The following MTCL2 variants were observed in gnomAD, a reference collection of about 807,000 sequenced individuals.
The protein encoded by MTCL2 is microtubule crosslinking factor 2.
the MTCL2 span, chr20:36,793,484 C>T: frequency 3.9e-5 from 60 of 1,551,648 alleles, no homozygotes; most frequent in African/African-American, 2.7e-4. The surrounding 1 kb of genome is among the most constrained non-coding windows in gnomAD (Gnocchi z 6.8). Context: ...ACACACATTA[C>T]GGAAGAATTC....
chr20:36,813,743 ACT>A, the MTCL2 span, among the ~76,000 whole-genome samples: 1 of 91,500 alleles, frequency 1.1e-5, no homozygotes, highest in African/African-American at 4.5e-5. Context: ...ACAGAGTAAG[ACT>A]CTGTCTCAAA....
the MTCL2 span, among the ~76,000 whole-genome samples, chr20:36,829,854 C>A: frequency 6.6e-6 from 1 of 151,978 alleles, no homozygotes; most frequent in Non-Finnish European, 1.5e-5. Context: ...AAAAAATTAG[C>A]CAGGCGTGGT....
chr20:36,860,104 C>T, the MTCL2 span, among the ~76,000 whole-genome samples: 1 of 152,208 alleles, frequency 6.6e-6, no homozygotes, highest in East Asian at 1.9e-4. Flanking sequence ...CAAATGTACA[C>T]AGTGAGAAGT....
the MTCL2 span, chr20:36,815,435 G>A: frequency 6.2e-6 from 10 of 1,611,694 alleles, no homozygotes; most frequent in South Asian, 1.1e-5. This position sits in a 1 kb window ranked among gnomAD's most constrained non-coding sequence, Gnocchi z 5.3. Context: ...CAGCCACCAG[G>A]ACATCGATGG....
At chr20:36,800,331 C>T in the MTCL2 span, among the ~76,000 whole-genome samples, 1 of 152,176 alleles carries the variant, frequency 6.6e-6, no homozygotes, top group Non-Finnish European at 1.5e-5. Flanking sequence ...CTTTTATAGA[C>T]AGGAATTTGG....
the MTCL2 span, chr20:36,805,735 C>G: frequency 1.1e-6 from 1 of 874,072 alleles, no homozygotes; most frequent in Non-Finnish European, 1.7e-6. Flanking sequence ...GATGACCAGG[C>G]AATAACTTGC....
At chr20:36,861,926 C>T in the MTCL2 span, among the ~76,000 whole-genome samples, 1 of 152,228 alleles carries the variant, frequency 6.6e-6, no homozygotes, top group African/African-American at 2.4e-5. Context: ...CAGTTGCCCT[C>T]CTCTCACTGC....
At chr20:36,862,904 C>A in the MTCL2 span, 1 of 1,267,950 alleles carries the variant, frequency 7.9e-7, no homozygotes, top group South Asian at 2.2e-5. Flanking sequence ...GGCCCCCGGC[C>A]GCGGACTCGG....
chr20:36,797,579 C>A, the MTCL2 span: 1 of 1,555,648 alleles, frequency 6.4e-7, no homozygotes, highest in South Asian at 1.2e-5. Flanking sequence ...TGCAGCTGGG[C>A]AAGGGCAGAG....
At chr20:36,820,790 C>T in the MTCL2 span, among the ~76,000 whole-genome samples, 1 of 150,912 alleles carries the variant, frequency 6.6e-6, no homozygotes, top group Non-Finnish European at 1.5e-5. Context: ...TGCAGTGAGC[C>T]GAGATCACAC....
the MTCL2 span, chr20:36,780,545 G>A: frequency 1.3e-5 from 2 of 152,212 alleles, no homozygotes; most frequent in African/African-American, 2.4e-5. Context: ...GGTGAGGAGA[G>A]TATTGTCCCC....
At chr20:36,815,003 A>C in the MTCL2 span, 17 of 926,304 alleles carry the variant, frequency 1.8e-5, no homozygotes, top group South Asian at 2.3e-4. The surrounding 1 kb of genome is among the most constrained non-coding windows in gnomAD (Gnocchi z 5.3). Flanking sequence ...TCGAGGCTGC[A>C]GTGAACTGAG....
chr20:36,824,364 T>G, the MTCL2 span, among the ~76,000 whole-genome samples: 1 of 152,214 alleles, frequency 6.6e-6, no homozygotes, highest in Non-Finnish European at 1.5e-5. Flanking sequence ...TGCTACATTC[T>G]TCAACATGGA....
chr20:36,804,125 G>A, the MTCL2 span, among the ~76,000 whole-genome samples: 7 of 152,072 alleles, frequency 4.6e-5, no homozygotes, highest in South Asian at 8.3e-4. Flanking sequence ...AGAGACCATC[G>A]GAGTGCCTGC....
the MTCL2 span, chr20:36,793,934 A>G: frequency 2.6e-6 from 4 of 1,551,280 alleles, no homozygotes; most frequent in African/African-American, 4.1e-5. The surrounding 1 kb of genome is among the most constrained non-coding windows in gnomAD (Gnocchi z 6.8). Flanking sequence ...GACCGTGCGG[A>G]TGGTCTGTGT....
the MTCL2 span, among the ~76,000 whole-genome samples, chr20:36,844,889 A>G: frequency 2.0e-5 from 3 of 151,670 alleles, no homozygotes; most frequent in Admixed American, 2.0e-4. Context: ...GCATGGTGGC[A>G]GGTGCCTGTA....
At chr20:36,803,194 G>A in the MTCL2 span, 1 of 1,478,416 alleles carries the variant, frequency 6.8e-7, no homozygotes, top group Admixed American at 2.1e-5. Context: ...GTGCCAGCGG[G>A]GAAAAGGGGA....
chr20:36,799,744 G>A, the MTCL2 span, among the ~76,000 whole-genome samples: 2 of 151,894 alleles, frequency 1.3e-5, no homozygotes, highest in Non-Finnish European at 2.9e-5. Context: ...GGAAGGGAAG[G>A]AGGGAAATAA....
the MTCL2 span, among the ~76,000 whole-genome samples, chr20:36,821,583 T>C: frequency 1.3e-5 from 2 of 152,034 alleles, no homozygotes; most frequent in Admixed American, 1.3e-4. Flanking sequence ...CCGGGTGTTG[T>C]GGCATGTGTC....
Sources: allele counts gnomAD v4.1 joint callset (sites outside exome capture counted in the v4.1 genomes callset), GRCh38; gene constraint gnomAD v4.1.1; non-coding constraint Gnocchi (gnomAD v3.1); transcripts MANE v1.5; gene names NCBI Gene and HGNC (gene_info 2026-07-23, HGNC 2026-07-21).